Variants in GUCA1C observed in about 807,000 individuals in gnomAD.
GUCA1C encodes the protein guanylate cyclase activator 1C, also known as guanylyl cyclase-activating protein 3.
GUCA1C carries 15 observed loss-of-function variants against 16.2 expected under a neutral mutation model. The ratio of observed to expected loss-of-function variants is 0.93; its 90% confidence interval spans 0.62 to 1.43. The LOEUF (loss-of-function observed/expected upper bound fraction) is 1.43, where lower values mean the gene tolerates loss of function less well. Among genes scored for constraint, GUCA1C ranks in the 40% most tolerant of loss-of-function variants. GUCA1C has a pLI of 0.00. For synonymous variants in GUCA1C, 78 were observed against 85.4 expected (o/e 0.91, Z 0.48); for missense variants, 275 against 244.8 (o/e 1.12, Z -0.82).
intron 1 of GUCA1C, among the ~76,000 whole-genome samples, chr3:108,934,740 A>G (rs1270218745): frequency 6.6e-6 from 1 of 151,480 alleles, no homozygotes; most frequent in Non-Finnish European, 1.5e-5. Context: ...GCTGGAGGCC[A>G]CTATCCTAAG....
chr3:108,947,592 T>C (rs1423004016), intron 1 of GUCA1C, among the ~76,000 whole-genome samples: 1 of 152,264 alleles, frequency 6.6e-6, no homozygotes, highest in African/African-American at 2.4e-5. Flanking sequence ...ATAGTACTTA[T>C]GGTTTAAAAA....
chr3:108,949,961 T>C (rs897308601), intron 1 of GUCA1C, among the ~76,000 whole-genome samples: 1 of 152,212 alleles, frequency 6.6e-6, no homozygotes. Flanking sequence ...ATAGTCACCA[T>C]GCTATACAAG....
chr3:108,949,277 G>A (rs1946874057), intron 1 of GUCA1C, among the ~76,000 whole-genome samples: 1 of 152,192 alleles, frequency 6.6e-6, no homozygotes, highest in African/African-American at 2.4e-5. Flanking sequence ...TGTGTGGAAG[G>A]AAACAGGGAG....
rs1297123200 is a variant in GUCA1C, at chr3:108,914,066, AAATAAT to A, written c.442+2055_442+2060del. ...GGGTGACAAAGCAAGACTCCATTTT[AAATAAT>A]AATAATAATAGTAATACAAGTTTTT... On this transcript the variant is annotated intron_variant, in intron 3 of 3. Coordinates refer to ENST00000261047, the MANE Select transcript of GUCA1C (RefSeq NM_005459.4). 3.9e-5 allele frequency among the ~76,000 whole-genome samples: 6 copies of A among 152,086 alleles called. No homozygotes were observed. The East Asian group carries it at 9.6e-4, about 24-fold the overall frequency.
chr3:108,932,341 A>AAAAC (rs1946677843), intron 1 of GUCA1C, among the ~76,000 whole-genome samples: 1 of 65,130 alleles, frequency 1.5e-5, no homozygotes, highest in Non-Finnish European at 2.8e-5. Context: ...AAAAAAAAAC[A>AAAAC]AAAAAAAAAA....
At chr3:108,935,124 T>C (rs538431755) in intron 1 of GUCA1C, among the ~76,000 whole-genome samples, 1 of 152,036 alleles carries the variant, frequency 6.6e-6, no homozygotes, top group African/African-American at 2.4e-5. Flanking sequence ...GTTCTTGCTC[T>C]TAAGTAGGAG....
intron 1 of GUCA1C, among the ~76,000 whole-genome samples, chr3:108,952,931 T>C (rs1946908942): frequency 6.6e-6 from 1 of 152,058 alleles, no homozygotes; most frequent in Non-Finnish European, 1.5e-5. Context: ...TGAAATTAAA[T>C]GCACTACAGC....
intron 1 of GUCA1C, among the ~76,000 whole-genome samples, chr3:108,925,254 A>T (rs912272349): frequency 6.6e-6 from 1 of 152,152 alleles, no homozygotes; most frequent in Non-Finnish European, 1.5e-5. Context: ...TGATGTAGGC[A>T]TTTAATGCTA....
chr3:108,949,144 G>A (rs1207468970), intron 1 of GUCA1C, among the ~76,000 whole-genome samples: 1 of 152,090 alleles, frequency 6.6e-6, no homozygotes, highest in Non-Finnish European at 1.5e-5. Flanking sequence ...CACTGCAGTG[G>A]CCAATTTTTC....
rs1219659374 is a variant in GUCA1C, at chr3:108,910,751, A to G, written c.443-2542T>C. Among the ~76,000 whole-genome samples, 4 of 151,266 alleles carry G rather than the reference A, an allele frequency of 2.6e-5. No individual in the cohort carries two copies. The South Asian group carries it at 6.3e-4, about 24-fold the overall frequency. On this transcript the variant is annotated intron_variant, in intron 3 of 3. Coordinates refer to ENST00000261047, the MANE Select transcript of GUCA1C (RefSeq NM_005459.4). ...TGCAAGCTCCGCCTCCCGGGTTCAC[A>G]TCATTCTCCTGTCTCAGCCTCCCGA...
chr3:108,925,405 T>C (rs1352710628), intron 1 of GUCA1C, among the ~76,000 whole-genome samples: 1 of 152,198 alleles, frequency 6.6e-6, no homozygotes, highest in East Asian at 1.9e-4. Context: ...AAGCAGGTTA[T>C]TTAATTTCCA....
At chr3:108,913,873 C>T (rs973693556) in intron 3 of GUCA1C, among the ~76,000 whole-genome samples, 10 of 151,926 alleles carry the variant, frequency 6.6e-5, no homozygotes, top group Non-Finnish European at 1.3e-4. Flanking sequence ...CGAGACCAGC[C>T]TGGCCAATAT....
chr3:108,939,112 C>T (rs1025074596), intron 1 of GUCA1C, among the ~76,000 whole-genome samples: 3 of 152,090 alleles, frequency 2.0e-5, no homozygotes, highest in Non-Finnish European at 4.4e-5. Context: ...AAGCATCTGT[C>T]TTCCTAAACT....
Position 108,908,043 on chromosome 3 carries a change from T to C in GUCA1C, c.609A>G (p.Leu203=). The part of the protein sequence containing the change: ...DSSKSPDKAG[L]GKVKMK ...ACAGCTACTTCATTTTCACCTTCCC[T>C]AGACCAGCCTTGTCAGGAGATTTGG... The change falls in exon 4 of 4, where the codon CTA becomes CTG. Residue 203 remains leucine (L), a synonymous_variant. Coordinates refer to ENST00000261047, the MANE Select transcript of GUCA1C (RefSeq NM_005459.4). 5 of 1,613,708 alleles carry C rather than the reference T, an allele frequency of 3.1e-6. No homozygotes were observed. Among genetic ancestry groups the C allele is most frequent in the Non-Finnish European group, 4.2e-6 (5 of 1,179,740 alleles).
At chr3:108,953,343 T>C (rs1357076168) in intron 1 of GUCA1C, among the ~76,000 whole-genome samples, 1 of 152,162 alleles carries the variant, frequency 6.6e-6, no homozygotes, top group East Asian at 1.9e-4. Flanking sequence ...GAACACTTCC[T>C]AGGGTGGGAG....
In GUCA1C at chr3:108,937,495, G is replaced by T. The variant is rs370474668; in HGVS notation, c.204+16064C>A. ...TTATAAATTGAGTAATGTCATTAAG[G>T]GAACTTGGCTTGATTTCATTGCTTC... On this transcript the variant is annotated intron_variant, in intron 1 of 3. Transcript: ENST00000261047. Among the ~76,000 whole-genome samples the T allele has an allele frequency of 8.5e-5, 13 of 152,150 alleles. 1 individual carries two copies. The highest frequency in any genetic ancestry group is 5.8e-4 in the East Asian group (3 of 5,202).
At chr3:108,932,619 C>G (rs1020971708) in intron 1 of GUCA1C, among the ~76,000 whole-genome samples, 8 of 152,044 alleles carry the variant, frequency 5.3e-5, no homozygotes, top group Non-Finnish European at 8.8e-5. Context: ...ATGATATATG[C>G]TATAACAATA....
chr3:108,918,583 G>C (rs2715689), intron 2 of GUCA1C, among the ~76,000 whole-genome samples: 1 of 151,858 alleles, frequency 6.6e-6, no homozygotes, highest in Non-Finnish European at 1.5e-5. Context: ...CTAAACAAAT[G>C]TCCCTCAAAA....
intron 1 of GUCA1C, among the ~76,000 whole-genome samples, chr3:108,949,959 C>T (rs1946882651): frequency 6.6e-6 from 1 of 152,094 alleles, no homozygotes; most frequent in Non-Finnish European, 1.5e-5. Flanking sequence ...CCATAGTCAC[C>T]ATGCTATACA....
Sources: gnomAD v4.1 joint callset for allele counts (sites outside exome capture counted in the v4.1 genomes callset) on GRCh38, gnomAD v4.1.1 for gene constraint, MANE v1.5 for transcripts, NCBI Gene and HGNC (gene_info 2026-07-23, HGNC 2026-07-21) for gene names.